ARMH1: variants seen among roughly 807,000 people sequenced by gnomAD.
The protein encoded by ARMH1 is armadillo like helical domain containing 1, also known as armadillo-like helical domain containing protein 1.
Under a neutral mutation model 50.2 loss-of-function variants are expected in ARMH1, and 34 were observed. The ratio of observed to expected loss-of-function variants is 0.68; its 90% CI spans 0.51 to 0.90. The LOEUF (loss-of-function observed/expected upper bound fraction) is 0.90. Ranked by LOEUF, ARMH1 falls within the 40% of genes least tolerant of loss-of-function variation. The pLI is 0.00. For synonymous variants in ARMH1, 221 were observed against 224.2 expected (o/e 0.99, Z 0.13); for missense variants, 538 against 553.9 (o/e 0.97, Z 0.29).
At chr1:44,712,230 GGGC>G (rs1422768561) in intron 6 of ARMH1, among the ~76,000 whole-genome samples, 3 of 152,128 alleles carry the variant, frequency 2.0e-5, no homozygotes, top group Non-Finnish European at 4.4e-5. Flanking sequence ...AATCCAAGGC[GGGC>G]GGATCACCTG....
intron 1 of ARMH1, among the ~76,000 whole-genome samples, chr1:44,678,736 G>C (rs934479289): frequency 1.3e-5 from 2 of 152,178 alleles, no homozygotes; most frequent in Admixed American, 1.3e-4. Flanking sequence ...CAGTGAGCCA[G>C]GCTGGCAACC....
Position 44,698,032 on chromosome 1 carries a change from T to C in ARMH1, c.276-31T>C, listed in dbSNP as rs1202589630. ...CAGTGCAAAGGAACTTGACAAGAGT[T>C]TTATTTCTACTTTTCTATCCCTCTG... On this transcript the variant is annotated intron_variant, in intron 3 of 11. Coordinates refer to ENST00000535358, the MANE Select transcript of ARMH1 (RefSeq NM_001145636.2). 2.0e-6 allele frequency: 3 copies of C among 1,499,136 alleles called. No individual in the cohort carries two copies. The African/African-American group carries it at 4.2e-5, about 21-fold the overall frequency. The allele number at this position is 1,499,136 out of a possible 1,614,324, so 92.9% of individuals were successfully genotyped here.
At chr1:44,709,020 A>G (rs1024896537) in intron 6 of ARMH1, among the ~76,000 whole-genome samples, 8 of 152,150 alleles carry the variant, frequency 5.3e-5, no homozygotes, top group Non-Finnish European at 1.2e-4. Context: ...GACATGTACC[A>G]AAAAGGTAAA....
chr1:44,719,185 T>C (rs947272742), intron 6 of ARMH1, among the ~76,000 whole-genome samples: 2 of 151,938 alleles, frequency 1.3e-5, no homozygotes, highest in Admixed American at 6.6e-5. Context: ...ATCTTCCACC[T>C]CCAGGTGATT....
intron 6 of ARMH1, among the ~76,000 whole-genome samples, chr1:44,723,142 C>G (rs1364940799): frequency 6.6e-6 from 1 of 152,026 alleles, no homozygotes; most frequent in Non-Finnish European, 1.5e-5. Context: ...TCCTCCTGCC[C>G]CCTCTAGCTC....
intron 6 of ARMH1, among the ~76,000 whole-genome samples, chr1:44,722,578 T>G (rs1647461853): frequency 6.7e-6 from 1 of 150,282 alleles, no homozygotes; most frequent in African/African-American, 2.5e-5. Context: ...AAACCCTGTC[T>G]CTACTAAATA....
intron 1 of ARMH1, among the ~76,000 whole-genome samples, chr1:44,687,469 G>A (rs1645510597): frequency 6.6e-6 from 1 of 152,136 alleles, no homozygotes; most frequent in Non-Finnish European, 1.5e-5. Flanking sequence ...GAAATACAGG[G>A]GTAAACAGCA....
At chr1:44,699,523 C>T (rs2148656662) in intron 4 of ARMH1, among the ~76,000 whole-genome samples, 1 of 151,972 alleles carries the variant, frequency 6.6e-6, no homozygotes, top group South Asian at 2.1e-4. Flanking sequence ...AATATCAGCT[C>T]ACTGCAACCT....
intron 6 of ARMH1, among the ~76,000 whole-genome samples, chr1:44,723,249 T>C (rs925902745): frequency 1.3e-5 from 2 of 152,130 alleles, no homozygotes; most frequent in Non-Finnish European, 2.9e-5. Flanking sequence ...ACAGCACCTG[T>C]CACCATATCA....
rs1409161715 is a variant in ARMH1, at chr1:44,724,213, G to C, written c.816G>C (p.Glu272Asp). Residue 272 changes from glutamate to aspartate, a missense_variant, in exon 7 of 12, where the codon GAG becomes GAC. Transcript: ENST00000535358. The surrounding 1 kb of genome is among the most constrained non-coding windows in gnomAD (Gnocchi z 6.4). ...LVALLIPSVKEISKLQAKILS... is the reference protein window; with the variant it reads ...LVALLIPSVKDISKLQAKILS... ...CGCTGCTGATACCGTCGGTCAAGGA[G>C]ATCTCCAAACTGCAGGCCAAGATCC... 6.4e-7 allele frequency: 1 copy of C among 1,551,626 alleles called. No homozygotes were observed. Among genetic ancestry groups the C allele is most frequent in the East Asian group, 2.4e-5 (1 of 40,930 alleles).
chr1:44,725,520 AT>A lies in ARMH1; in HGVS notation c.*119del. ...ACTTGGCTCCAGGGGGGAGACGGGG[AT>A]TAGGCATCCCAGAGGGGCAGAGGAA... On this transcript the variant is annotated 3_prime_UTR_variant, in exon 12 of 12. Transcript: ENST00000535358. The A allele has an allele frequency of 1.0e-6, 1 of 1,002,716 alleles. No individual in the cohort carries two copies. The allele number at this position is 1,002,716 out of a possible 1,614,324, so 62.1% of individuals were successfully genotyped here.
intron 4 of ARMH1, among the ~76,000 whole-genome samples, chr1:44,700,376 G>A (rs980300285): frequency 6.6e-6 from 1 of 152,160 alleles, no homozygotes; most frequent in South Asian, 2.1e-4. Context: ...CCAACACTTC[G>A]GGAGGCCAAG....
chr1:44,714,905 G>A (rs1255049325), intron 6 of ARMH1, among the ~76,000 whole-genome samples: 1 of 151,772 alleles, frequency 6.6e-6, no homozygotes, highest in Non-Finnish European at 1.5e-5. Context: ...TTGTTGGGGG[G>A]GAAACAGTTT....
chr1:44,698,035 A>G (rs564737286), intron 3 of ARMH1, 28 bp from the exon 4 acceptor site: 1 of 1,502,510 alleles, frequency 6.7e-7, no homozygotes, highest in South Asian at 1.3e-5. Context: ...CAAGAGTTTT[A>G]TTTCTACTTT....
intron 6 of ARMH1, among the ~76,000 whole-genome samples, chr1:44,717,940 G>A (rs1028388271): frequency 3.9e-5 from 6 of 152,248 alleles, no homozygotes; most frequent in African/African-American, 1.4e-4. Flanking sequence ...GGTATAAACA[G>A]TGACAGCTGT....
chr1:44,677,281 G>T (rs890578171), intron 1 of ARMH1, among the ~76,000 whole-genome samples: 1 of 152,216 alleles, frequency 6.6e-6, no homozygotes, highest in African/African-American at 2.4e-5. Flanking sequence ...GGAAGCAGCA[G>T]TCTGCAAGGT....
At chr1:44,720,078 T>A (rs1348744495) in intron 6 of ARMH1, among the ~76,000 whole-genome samples, 2 of 151,570 alleles carry the variant, frequency 1.3e-5, no homozygotes, top group Non-Finnish European at 2.9e-5. Context: ...GCGCCTATAA[T>A]CCTAGCTACT....
intron 5 of ARMH1, among the ~76,000 whole-genome samples, chr1:44,702,227 T>G (rs781543033): frequency 4.6e-5 from 7 of 152,216 alleles, no homozygotes; most frequent in Non-Finnish European, 1.0e-4. Flanking sequence ...TCTCTCTTAG[T>G]CTTCACTATA....
At chr1:44,710,769 T>C (rs1471838008) in intron 6 of ARMH1, among the ~76,000 whole-genome samples, 1 of 152,196 alleles carries the variant, frequency 6.6e-6, no homozygotes, top group Non-Finnish European at 1.5e-5. Flanking sequence ...TTCACAGTGT[T>C]GTACAACCAC....
Sources: gnomAD v4.1 joint callset for allele counts (sites outside exome capture counted in the v4.1 genomes callset) on GRCh38, gnomAD v4.1.1 for gene constraint, Gnocchi (gnomAD v3.1) non-coding constraint, MANE v1.5 for transcripts, NCBI Gene and HGNC (gene_info 2026-07-23, HGNC 2026-07-21) for gene names.